CC2D2B: variants seen among roughly 807,000 people sequenced by gnomAD.
CC2D2B encodes coiled-coil and C2 domain containing 2B, also known as protein CC2D2B.
CC2D2B carries 128 observed loss-of-function variants against 161.2 expected under a neutral mutation model. The observed-to-expected ratio is 0.79, with a 90% CI of 0.69 to 0.92. CC2D2B has a LOEUF of 0.92. Among genes scored for constraint, CC2D2B ranks in the 40% least tolerant of loss-of-function variants. The probability of loss-of-function intolerance (pLI) is 0.00; values close to 1 mark genes in which losing one functional copy is unlikely to be tolerated. For synonymous variants in CC2D2B, 391 were observed against 449.8 expected (o/e 0.87, Z 1.65); for missense variants, 1,173 against 1,375.1 (o/e 0.85, Z 2.32).
chr10:96,019,777 C>A lies in CC2D2B; in HGVS notation c.3841C>A (p.Gln1281Lys). 1 of 1,603,184 alleles carries A rather than the reference C, an allele frequency of 6.2e-7. No individual in the cohort carries two copies. The highest frequency in any genetic ancestry group is 8.5e-7 in the Non-Finnish European group (1 of 1,176,804). ...FDYSKESFWK[Q>K]LLPKNVQGTK... is the part of the protein sequence containing the mutation. The stretch of plus-strand genomic sequence containing the variant: ...CTATTCAAAGGAAAGTTTCTGGAAG[C>A]AGTTGCTTCCAAAAAACGTTCAAGG... The change falls in exon 32 of 35, where the codon CAG (glutamine) becomes AAG (lysine). Residue 1281 changes from glutamine to lysine, a missense_variant. Transcript: ENST00000646931.
In CC2D2B at chr10:96,025,185, A is replaced by ATATATATATATATATAT. The variant is rs1491443122; in HGVS notation, c.3947+274_3947+275insTATATATATATATATAT. Among the ~76,000 whole-genome samples, 4 of 16,278 alleles carry ATATATATATATATATAT rather than the reference A, an allele frequency of 2.5e-4. No individual in the cohort carries two copies. In the South Asian group the frequency reaches 4.8e-3, roughly 19 times the overall value. The allele number at this position is 16,278 out of a possible 152,430, so 10.7% of individuals were successfully genotyped here. A position where few individuals can be genotyped will look rare whatever the true frequency, so the allele number is the denominator to read the frequency against. On this transcript the variant is annotated intron_variant, in intron 33 of 34. Coordinates refer to ENST00000646931, the MANE Select transcript of CC2D2B (RefSeq NM_001349008.3). ...TATATATATATATATATATATATAT[A>ATATATATATATATATAT]AAAAAAAATATATATATATATATAT...
intron 34 of CC2D2B, among the ~76,000 whole-genome samples, chr10:96,029,179 C>T (rs1388273445): frequency 6.9e-6 from 1 of 144,050 alleles, no homozygotes; most frequent in Non-Finnish European, 1.5e-5. Context: ...GCCCATTTTC[C>T]ATTATGTGAC....
chr10:95,962,115 C>CATAT (rs57738249), intron 12 of CC2D2B, 146 bp downstream of exon 12: 24 of 311,164 alleles, frequency 7.7e-5, no homozygotes, highest in South Asian at 4.8e-4. Flanking sequence ...AATACATAAA[C>CATAT]ATATATATAT....
At chr10:95,979,226 G>C (rs1403819771) in intron 17 of CC2D2B, among the ~76,000 whole-genome samples, 1 of 148,370 alleles carries the variant, frequency 6.7e-6, no homozygotes, top group Non-Finnish European at 1.5e-5. Context: ...CTTACCTAAT[G>C]GTTCTGAATT....
chr10:95,913,757 A>G (rs1438913775), intron 2 of CC2D2B, among the ~76,000 whole-genome samples: 1 of 152,110 alleles, frequency 6.6e-6, no homozygotes, highest in Non-Finnish European at 1.5e-5. Flanking sequence ...TGCCATTTGT[A>G]TGTCTTCTTT....
Position 96,032,211 on chromosome 10 carries a change from C to T in CC2D2B, c.*203C>T, listed in dbSNP as rs145239832. Reference sequence around the variant, plus strand: ...AGGAGGAGTCTAGATGAGCTTCTCACCAGAGACCTCTCCAGGAAGGACCTT... The same window carrying T: ...AGGAGGAGTCTAGATGAGCTTCTCATCAGAGACCTCTCCAGGAAGGACCTT... On this transcript the variant is annotated 3_prime_UTR_variant, in exon 35 of 35. Transcript: ENST00000646931. 2 of 517,718 alleles carry T rather than the reference C, an allele frequency of 3.9e-6. No individual in the cohort carries two copies. Among genetic ancestry groups the T allele is most frequent in the South Asian group, 3.2e-5 (1 of 31,338 alleles). 32.1% of individuals were successfully genotyped at this position (517,718 alleles called of 1,614,324 possible). A position where few individuals can be genotyped will look rare whatever the true frequency, so the allele number is the denominator to read the frequency against.
At chr10:95,967,695 T>A (rs1017568342) in intron 14 of CC2D2B, among the ~76,000 whole-genome samples, 1 of 152,178 alleles carries the variant, frequency 6.6e-6, no homozygotes, top group African/African-American at 2.4e-5. Flanking sequence ...ATCAATACTT[T>A]TAGAGGGCAA....
At chr10:96,030,985 T>A (rs1023615300) in intron 34 of CC2D2B, among the ~76,000 whole-genome samples, 1 of 152,166 alleles carries the variant, frequency 6.6e-6, no homozygotes, top group Non-Finnish European at 1.5e-5. Flanking sequence ...AAACAGGAAT[T>A]TTTTTAAAAA....
intron 6 of CC2D2B, among the ~76,000 whole-genome samples, chr10:95,933,782 T>A (rs902943765): frequency 2.0e-5 from 3 of 152,188 alleles, no homozygotes; most frequent in African/African-American, 7.2e-5. Context: ...ACCCATCAGA[T>A]GCCAGCGGAG....
Position 95,938,776 on chromosome 10 carries a change from ATACTT to A in CC2D2B, c.673-20_673-16del, listed in dbSNP as rs1564600639. 1.4e-6 allele frequency: 1 copy of A among 705,852 alleles called. No individual in the cohort carries two copies. Among genetic ancestry groups the A allele is most frequent in the South Asian group, 1.6e-5 (1 of 64,210 alleles). The allele number at this position is 705,852 out of a possible 1,614,324, so 43.7% of individuals were successfully genotyped here. ...TTATTTAGCAAAATATTTAATTACT[ATACTT>A]AAATATTTTTGATAGGGAAAATGTT... On this transcript the variant is annotated splice_polypyrimidine_tract_variant and intron_variant, in intron 8 of 34. Transcript: ENST00000646931.
chr10:95,935,824 A>T (rs1466920682), intron 6 of CC2D2B, among the ~76,000 whole-genome samples: 3 of 151,842 alleles, frequency 2.0e-5, no homozygotes, highest in Non-Finnish European at 4.4e-5. Context: ...CCCCCAACCT[A>T]CCCAGCCCAG....
intron 12 of CC2D2B, among the ~76,000 whole-genome samples, chr10:95,963,461 A>T (rs956346258): frequency 6.6e-6 from 1 of 152,238 alleles, no homozygotes; most frequent in South Asian, 2.1e-4. Flanking sequence ...TGCCTTTGAG[A>T]TATCTCTAAA....
chr10:96,015,540 G>C (rs1349782830), intron 29 of CC2D2B, among the ~76,000 whole-genome samples: 1 of 150,270 alleles, frequency 6.7e-6, no homozygotes, highest in South Asian at 2.1e-4. Context: ...TTGACATTCT[G>C]GGAGCCAAAC....
chr10:95,955,605 G>A (rs545099080), intron 11 of CC2D2B, 114 bp downstream of exon 11: 57 of 392,384 alleles, frequency 1.5e-4, no homozygotes, highest in African/African-American at 9.9e-4. Flanking sequence ...CTTTTTAGGC[G>A]ATTACAGAAA....
At chr10:95,988,861 T>G (rs1284860043) in intron 20 of CC2D2B, among the ~76,000 whole-genome samples, 1 of 152,222 alleles carries the variant, frequency 6.6e-6, no homozygotes, top group Non-Finnish European at 1.5e-5. Flanking sequence ...CTGATTTCTA[T>G]CAACCCCTCA....
rs1326531249 is a variant in CC2D2B, at chr10:95,955,502, A to G, written c.1109+11A>G. 5.0e-6 allele frequency: 2 copies of G among 398,218 alleles called. No individual in the cohort carries two copies. The highest frequency in any genetic ancestry group is 8.9e-6 in the Non-Finnish European group (2 of 225,424). 24.7% of individuals were successfully genotyped at this position (398,218 alleles called of 1,614,324 possible). A position where few individuals can be genotyped will look rare whatever the true frequency, so the allele number is the denominator to read the frequency against. On this transcript the variant is annotated intron_variant, in intron 11 of 34. Transcript: ENST00000646931. ...TTATTGGCAAATAAGGTAGGTTTTG[A>G]GCCATTCATGTTCATCAAGCATTCA...
At chr10:95,933,768 G>A (rs994472359) in intron 6 of CC2D2B, among the ~76,000 whole-genome samples, 1 of 152,164 alleles carries the variant, frequency 6.6e-6, no homozygotes, top group Non-Finnish European at 1.5e-5. Context: ...CGTCCCAGAG[G>A]GGCACCCATC....
At chr10:95,953,600 C>T (rs1480534357) in intron 10 of CC2D2B, among the ~76,000 whole-genome samples, 2 of 152,164 alleles carry the variant, frequency 1.3e-5, no homozygotes, top group Non-Finnish European at 2.9e-5. Flanking sequence ...ACCTTCTCTA[C>T]CCCAAGTTTA....
In CC2D2B at chr10:95,972,217, G is replaced by C. The variant is rs755240289; in HGVS notation, c.1795+1G>C. On this transcript the variant is annotated splice_donor_variant, in intron 16 of 34. Coordinates refer to ENST00000646931, the MANE Select transcript of CC2D2B (RefSeq NM_001349008.3). LOFTEE classifies it high-confidence loss of function. ...CCTGCCGATGGAGAAGTAGGAAGCA[G>C]TGAGTTTATTAAAAATATTACATTC... 15 of 1,231,818 alleles carry C rather than the reference G, an allele frequency of 1.2e-5. No homozygotes were observed. The African/African-American group carries it at 1.9e-4, about 15-fold the overall frequency. 76.3% of individuals were successfully genotyped at this position (1,231,818 alleles called of 1,614,324 possible). A position where few individuals can be genotyped will look rare whatever the true frequency, so the allele number is the denominator to read the frequency against.
Sources: allele counts gnomAD v4.1 joint callset (sites outside exome capture counted in the v4.1 genomes callset), GRCh38; gene constraint gnomAD v4.1.1; transcripts MANE v1.5; gene names NCBI Gene and HGNC (gene_info 2026-07-23, HGNC 2026-07-21).